Variants in MACROD2 observed in about 807,000 individuals in gnomAD.
MACROD2 encodes the protein ADP-ribose glycohydrolase MACROD2.
Under a neutral mutation model 70.4 loss-of-function variants are expected in MACROD2, and 36 were observed. That is an observed-to-expected ratio of 0.51 (90% CI 0.39 to 0.68). MACROD2 has a LOEUF of 0.68. Among genes scored for constraint, MACROD2 ranks in the 30% least tolerant of loss-of-function variants. MACROD2 has a pLI of 0.00. For synonymous variants in MACROD2, 172 were observed against 178.8 expected (o/e 0.96, Z 0.30); for missense variants, 496 against 538.4 (o/e 0.92, Z 0.78).
At chr20:15,029,421 G>T (rs1330902356) in intron 5 of MACROD2, among the ~76,000 whole-genome samples, 1 of 152,116 alleles carries the variant, frequency 6.6e-6, no homozygotes, top group Admixed American at 6.5e-5. Context: ...TGACTTGGAG[G>T]GCTTGTTGAA....
At chr20:14,116,995 A>G (rs1211481396) in intron 3 of MACROD2, among the ~76,000 whole-genome samples, 3 of 149,130 alleles carry the variant, frequency 2.0e-5, no homozygotes, top group Non-Finnish European at 4.4e-5. Flanking sequence ...TGAACCCGGG[A>G]GGCAGAGGTT....
intron 5 of MACROD2, among the ~76,000 whole-genome samples, chr20:14,785,938 G>A (rs1159741818): frequency 6.6e-6 from 1 of 152,038 alleles, no homozygotes; most frequent in Admixed American, 6.6e-5. Flanking sequence ...TGCTTCTTCA[G>A]TACATCAGCA....
At chr20:14,664,821 CTG>C (rs35279612) in intron 4 of MACROD2, among the ~76,000 whole-genome samples, 6,730 of 152,084 alleles carry the variant, frequency 0.044, 477 homozygotes, top group African/African-American at 0.15. Context: ...AATAAGGAAA[CTG>C]AGGCCCAAAA....
chr20:14,735,508 C>T (rs931599780), intron 5 of MACROD2, among the ~76,000 whole-genome samples: 5 of 152,080 alleles, frequency 3.3e-5, no homozygotes, highest in African/African-American at 9.6e-5. Flanking sequence ...GGTGAGAATG[C>T]GGAGAAATTG....
intron 3 of MACROD2, among the ~76,000 whole-genome samples, chr20:14,164,299 G>A (rs1391259532): frequency 6.6e-6 from 1 of 152,200 alleles, no homozygotes; most frequent in African/African-American, 2.4e-5. Context: ...TGGGGACTGG[G>A]ATGCCAGGTG....
chr20:15,885,276 G>C (rs1025614772), intron 9 of MACROD2, among the ~76,000 whole-genome samples: 1 of 152,096 alleles, frequency 6.6e-6, no homozygotes, highest in Non-Finnish European at 1.5e-5. Flanking sequence ...ATGAGTGAAG[G>C]CTGGGATTTC....
chr20:15,141,155 A>T (rs1297084340), intron 5 of MACROD2, among the ~76,000 whole-genome samples: 1 of 151,598 alleles, frequency 6.6e-6, no homozygotes, highest in Non-Finnish European at 1.5e-5. Context: ...ATGTGGTTAT[A>T]TATCTGCATA....
intron 8 of MACROD2, among the ~76,000 whole-genome samples, chr20:15,846,477 C>T (rs1026089857): frequency 2.0e-5 from 3 of 152,018 alleles, no homozygotes; most frequent in Non-Finnish European, 1.5e-5. Flanking sequence ...GAGACAGCAG[C>T]GATTTTCTCT....
At chr20:15,120,126 G>A (rs908166879) in intron 5 of MACROD2, among the ~76,000 whole-genome samples, 3 of 152,164 alleles carry the variant, frequency 2.0e-5, no homozygotes, top group African/African-American at 7.2e-5. Context: ...ACTAAGAATG[G>A]TTTGCTTGCT....
chr20:15,188,086 G>A (rs949893212), intron 5 of MACROD2, among the ~76,000 whole-genome samples: 1 of 152,142 alleles, frequency 6.6e-6, no homozygotes, highest in Non-Finnish European at 1.5e-5. Context: ...TCAATGGTAA[G>A]ACAGCCATCA....
chr20:15,057,789 T>A (rs384238), intron 5 of MACROD2, among the ~76,000 whole-genome samples: 39,130 of 152,012 alleles, frequency 0.26, 5,703 homozygotes, highest in Non-Finnish European at 0.34. Context: ...TCTTTCATCC[T>A]TGGAGCCTGG....
intron 5 of MACROD2, among the ~76,000 whole-genome samples, chr20:14,955,108 T>A (rs2074520974): frequency 5.6e-5 from 1 of 17,832 alleles, no homozygotes; most frequent in Non-Finnish European, 1.5e-4. Flanking sequence ...ATATAATTTA[T>A]ATTATATATA....
chr20:14,402,898 A>G (rs969694573), intron 3 of MACROD2, among the ~76,000 whole-genome samples: 3 of 152,176 alleles, frequency 2.0e-5, no homozygotes, highest in Non-Finnish European at 4.4e-5. Context: ...GGAAGAGGCT[A>G]TATGCTAATG....
intron 5 of MACROD2, among the ~76,000 whole-genome samples, chr20:14,706,955 G>A (rs1480999279): frequency 6.6e-6 from 1 of 152,116 alleles, no homozygotes; most frequent in African/African-American, 2.4e-5. Context: ...GATGCAGAAA[G>A]CTAGGAGCTC....
chr20:15,973,630 T>G (rs1188527965), intron 13 of MACROD2, among the ~76,000 whole-genome samples: 1 of 152,006 alleles, frequency 6.6e-6, no homozygotes, highest in African/African-American at 2.4e-5. Context: ...CACAAGCAAA[T>G]GCTTATAACA....
At chr20:14,825,865 G>A (rs2072896240) in intron 5 of MACROD2, among the ~76,000 whole-genome samples, 2 of 152,134 alleles carry the variant, frequency 1.3e-5, no homozygotes, top group Admixed American at 6.5e-5. Context: ...ATAGGTTTTC[G>A]AATGGGGATG....
At chr20:14,123,337 C>A (rs1300286795) in intron 3 of MACROD2, among the ~76,000 whole-genome samples, 1 of 152,120 alleles carries the variant, frequency 6.6e-6, no homozygotes, top group African/African-American at 2.4e-5. Context: ...CTGGACATAT[C>A]AACAAACTAT....
At chr20:14,645,616 G>A (rs1033598561) in intron 4 of MACROD2, among the ~76,000 whole-genome samples, 2 of 151,882 alleles carry the variant, frequency 1.3e-5, no homozygotes, top group South Asian at 2.1e-4. Context: ...TCATACTTCC[G>A]TGTGTAAGAT....
chr20:15,679,467 C>G (rs1230971123), intron 8 of MACROD2, among the ~76,000 whole-genome samples: 4 of 152,168 alleles, frequency 2.6e-5, no homozygotes, highest in African/African-American at 7.2e-5. Flanking sequence ...ACTGCACCCC[C>G]CAAGGTTCAT....
Sources: gnomAD v4.1 joint callset for allele counts (sites outside exome capture counted in the v4.1 genomes callset) on GRCh38, gnomAD v4.1.1 for gene constraint, MANE v1.5 for transcripts, NCBI Gene and HGNC (gene_info 2026-07-23, HGNC 2026-07-21) for gene names.